The following USP32 variants were observed in gnomAD, a reference collection of about 807,000 sequenced individuals.
USP32 encodes the protein ubiquitin specific peptidase 32, also known as ubiquitin carboxyl-terminal hydrolase 32.
USP32 carries 59 observed loss-of-function variants against 204.8 expected under a neutral mutation model. The observed-to-expected ratio is 0.29, with a 90% CI of 0.23 to 0.36. The LOEUF (loss-of-function observed/expected upper bound fraction) is 0.36, where lower values mean the gene tolerates loss of function less well. Ranked by LOEUF, USP32 falls within the 10% of genes least tolerant of loss-of-function variation. The pLI is 1.00. For synonymous variants in USP32, 517 were observed against 678.4 expected (o/e 0.76, Z 3.70); for missense variants, 1,160 against 1,946.4 (o/e 0.60, Z 7.60).
At chr17:60,247,684 T>TTTTG (rs1163988433) in intron 11 of USP32, among the ~76,000 whole-genome samples, 1 of 151,986 alleles carries the variant, frequency 6.6e-6, no homozygotes, top group South Asian at 2.1e-4. Flanking sequence ...TTGGTTTTTT[T>TTTTG]TTTGTTTGTT....
intron 4 of USP32, 29 bp downstream of exon 4, chr17:60,294,654 A>C: frequency 6.9e-7 from 1 of 1,442,718 alleles, no homozygotes; most frequent in East Asian, 2.3e-5. Flanking sequence ...GTCAATGAAA[A>C]GGGATAAAAT....
At chr17:60,393,042 T>G (rs112135325), upstream of USP32, among the ~76,000 whole-genome samples, 3,216 of 152,346 alleles carry the variant, frequency 0.021, 134 homozygotes, top group African/African-American at 0.073. Flanking sequence ...GATATTGTTT[T>G]GCATCCATTG....
At chr17:60,244,216 G>A (rs2145675317) in intron 11 of USP32, among the ~76,000 whole-genome samples, 1 of 151,252 alleles carries the variant, frequency 6.6e-6, no homozygotes, top group South Asian at 2.1e-4. Context: ...TTTTAGTAGA[G>A]ACCGTGTTAA....
At chr17:60,268,818 C>A (rs138774223) in intron 7 of USP32, among the ~76,000 whole-genome samples, 1 of 152,078 alleles carries the variant, frequency 6.6e-6, no homozygotes, top group South Asian at 2.1e-4. Context: ...GAACACCACA[C>A]CCAAAATATG....
At chr17:60,255,383 G>C (rs994077834) in intron 9 of USP32, 125 bp from the exon 10 acceptor site, 18 of 620,090 alleles carry the variant, frequency 2.9e-5, no homozygotes, top group Admixed American at 6.9e-5. Context: ...CTGAAACCTC[G>C]GCCTCCTGGG....
In USP32 at chr17:60,308,148, A is replaced by C. The variant is rs1322870079; in HGVS notation, c.187-6444T>G. ...CACTCATTCTCCAAGCCCACATGTG[A>C]TCCGACTTTTCTGGTACATCAAGGC... On this transcript the variant is annotated intron_variant, in intron 2 of 33. Coordinates refer to ENST00000300896, the MANE Select transcript of USP32 (RefSeq NM_032582.4). Among the ~76,000 whole-genome samples, 3 of 152,190 alleles carry C rather than the reference A, an allele frequency of 2.0e-5. No homozygotes were observed. The East Asian group carries it at 5.8e-4, about 29-fold the overall frequency.
At chr17:60,268,806 T>C (rs1411280941) in intron 7 of USP32, among the ~76,000 whole-genome samples, 2 of 152,118 alleles carry the variant, frequency 1.3e-5, no homozygotes, top group Non-Finnish European at 2.9e-5. Context: ...GATAAAAATA[T>C]TGAACACCAC....
chr17:60,224,691 G>T (rs537495414), intron 13 of USP32, among the ~76,000 whole-genome samples: 1 of 152,220 alleles, frequency 6.6e-6, no homozygotes, highest in African/African-American at 2.4e-5. Flanking sequence ...GCTAAGACAG[G>T]AGGATCATTT....
chr17:60,180,773 C>A, intron 32 of USP32, 136 bp from the exon 33 acceptor site: 1 of 910,362 alleles, frequency 1.1e-6, no homozygotes, highest in Non-Finnish European at 1.6e-6. Context: ...AACCCTCTAA[C>A]TTTTTCTAAA....
intron 5 of USP32, among the ~76,000 whole-genome samples, chr17:60,278,765 A>G (rs921510759): frequency 2.6e-5 from 4 of 152,248 alleles, no homozygotes; most frequent in South Asian, 4.1e-4. Flanking sequence ...AGACATTTCA[A>G]AGAGAAGATG....
chr17:60,355,047 A>G (rs762322580), intron 1 of USP32, among the ~76,000 whole-genome samples: 5 of 152,246 alleles, frequency 3.3e-5, no homozygotes, highest in Non-Finnish European at 7.3e-5. Context: ...CTGCCTCAAA[A>G]ACAAAAACAT....
chr17:60,367,370 C>T (rs986275681), intron 1 of USP32, among the ~76,000 whole-genome samples: 1 of 152,200 alleles, frequency 6.6e-6, no homozygotes, highest in East Asian at 1.9e-4. Context: ...ATTGGCAGGG[C>T]GTGATGGCTC....
At chr17:60,218,651 T>A (rs1488764323) in intron 16 of USP32, among the ~76,000 whole-genome samples, 1 of 152,098 alleles carries the variant, frequency 6.6e-6, no homozygotes, top group Admixed American at 6.5e-5. Context: ...TCACCCAGGC[T>A]GGAGTGCAAC....
chr17:60,265,345 G>A (rs1388173685), intron 9 of USP32, 67 bp downstream of exon 9: 16 of 1,115,166 alleles, frequency 1.4e-5, no homozygotes, highest in Middle Eastern at 2.2e-4. Flanking sequence ...ATGTATATAA[G>A]CGATACATCC....
intron 1 of USP32, among the ~76,000 whole-genome samples, chr17:60,372,025 T>C (rs1032304967): frequency 2.0e-5 from 3 of 152,172 alleles, no homozygotes; most frequent in Non-Finnish European, 2.9e-5. Context: ...AATTACCATA[T>C]AACTATTGCG....
intron 2 of USP32, among the ~76,000 whole-genome samples, chr17:60,322,194 T>G (rs533887751): frequency 1.3e-5 from 2 of 152,124 alleles, no homozygotes; most frequent in Non-Finnish European, 2.9e-5. Context: ...AAGGTTATTT[T>G]AAGATGAGTT....
intron 15 of USP32, among the ~76,000 whole-genome samples, chr17:60,220,212 A>G (rs1456244199): frequency 3.3e-5 from 5 of 152,166 alleles, no homozygotes; most frequent in Non-Finnish European, 5.9e-5. Flanking sequence ...TTAGCTATAT[A>G]GTCATGCTGC....
intron 12 of USP32, among the ~76,000 whole-genome samples, chr17:60,231,806 C>T (rs1008458964): frequency 3.3e-5 from 5 of 152,178 alleles, no homozygotes; most frequent in African/African-American, 1.2e-4. Flanking sequence ...CCATTCTTCC[C>T]CATTTACATT....
At chr17:60,297,707 C>G (rs1362732175) in intron 3 of USP32, among the ~76,000 whole-genome samples, 1 of 152,168 alleles carries the variant, frequency 6.6e-6, no homozygotes, top group Non-Finnish European at 1.5e-5. Flanking sequence ...TCCCAAAGTG[C>G]TGGGATTACA....
Sources: allele counts gnomAD v4.1 joint callset (sites outside exome capture counted in the v4.1 genomes callset), GRCh38; gene constraint gnomAD v4.1.1; transcripts MANE v1.5; gene names NCBI Gene and HGNC (gene_info 2026-07-23, HGNC 2026-07-21).